CDH13: variants seen among roughly 807,000 people sequenced by gnomAD.
The protein encoded by CDH13 is cadherin-13.
CDH13 carries 24 observed loss-of-function variants against 63.8 expected under a neutral mutation model. The ratio of observed to expected loss-of-function variants is 0.38; its 90% CI spans 0.27 to 0.53. CDH13 has a LOEUF of 0.53. CDH13 is among the 20% of genes least tolerant of loss of function. The probability of loss-of-function intolerance (pLI) is 0.85; values close to 1 mark genes in which losing one functional copy is unlikely to be tolerated. For missense variants in CDH13, 1,049 were observed against 903.1 expected (o/e 1.16, Z -2.07); for synonymous variants, 503 against 355.3 (o/e 1.42, Z -4.67).
intron 7 of CDH13, among the ~76,000 whole-genome samples, chr16:83,527,963 G>A (rs188140542): frequency 7.9e-5 from 12 of 152,222 alleles, no homozygotes; most frequent in African/African-American, 2.9e-4. Context: ...GATCTTCCTC[G>A]AATGAGTTCG....
intron 1 of CDH13, among the ~76,000 whole-genome samples, chr16:82,746,841 A>T (rs17183029): frequency 6.6e-6 from 1 of 151,978 alleles, no homozygotes; most frequent in Admixed American, 6.6e-5. Context: ...TGTGATAGAG[A>T]TTTTTTGTAA....
At chr16:83,103,846 A>C (rs940956342) in intron 3 of CDH13, among the ~76,000 whole-genome samples, 7 of 152,214 alleles carry the variant, frequency 4.6e-5, no homozygotes, top group African/African-American at 1.4e-4. Flanking sequence ...TTTCTAGAAC[A>C]CATTGATGTT....
At chr16:82,911,111 A>C (rs961714127) in intron 2 of CDH13, among the ~76,000 whole-genome samples, 10 of 152,222 alleles carry the variant, frequency 6.6e-5, no homozygotes, top group African/African-American at 2.4e-4. Context: ...GATGGGAAGC[A>C]TAAGAAGGTC....
At chr16:83,553,743 G>A (rs1379682762) in intron 7 of CDH13, among the ~76,000 whole-genome samples, 3 of 152,200 alleles carry the variant, frequency 2.0e-5, no homozygotes, top group Non-Finnish European at 2.9e-5. Flanking sequence ...TTTTAGTAGA[G>A]ATGGGGTTTC....
intron 8 of CDH13, among the ~76,000 whole-genome samples, chr16:83,660,586 T>G (rs934767438): frequency 2.0e-5 from 3 of 152,220 alleles, no homozygotes; most frequent in Non-Finnish European, 4.4e-5. Context: ...TAGTGGTGGT[T>G]GGGAACCACT....
intron 3 of CDH13, among the ~76,000 whole-genome samples, chr16:83,088,677 G>A (rs1416003243): frequency 6.6e-6 from 1 of 152,098 alleles, no homozygotes; most frequent in Non-Finnish European, 1.5e-5. Context: ...CAAAAACATG[G>A]GATCTTTTAC....
intron 1 of CDH13, among the ~76,000 whole-genome samples, chr16:82,728,087 C>T (rs2033197924): frequency 6.6e-6 from 1 of 152,122 alleles, no homozygotes; most frequent in Non-Finnish European, 1.5e-5. Flanking sequence ...AATATGAATA[C>T]CTTATTTATA....
chr16:82,682,952 G>A (rs1914700960), intron 1 of CDH13, among the ~76,000 whole-genome samples: 1 of 152,130 alleles, frequency 6.6e-6, no homozygotes, highest in Non-Finnish European at 1.5e-5. Context: ...CTGGGCCCTA[G>A]GAACACACTA....
chr16:83,074,810 A>AT (rs1192022738), intron 3 of CDH13, among the ~76,000 whole-genome samples: 21 of 152,218 alleles, frequency 1.4e-4, no homozygotes, highest in Admixed American at 1.4e-3. Context: ...TTCCTGATAA[A>AT]TAGTCCATAT....
intron 7 of CDH13, among the ~76,000 whole-genome samples, chr16:83,539,128 C>A (rs574050896): frequency 6.6e-6 from 1 of 152,040 alleles, no homozygotes; most frequent in Admixed American, 6.5e-5. Context: ...AACAGTGGTC[C>A]CCAACCTTTC....
intron 9 of CDH13, among the ~76,000 whole-genome samples, chr16:83,677,553 C>G (rs1200030102): frequency 1.3e-5 from 2 of 152,138 alleles, no homozygotes; most frequent in Non-Finnish European, 2.9e-5. Context: ...GTGGCTCAGA[C>G]TTTCAAATCC....
intron 10 of CDH13, among the ~76,000 whole-genome samples, chr16:83,745,121 A>T (rs1912450964): frequency 6.6e-6 from 1 of 152,146 alleles, no homozygotes; most frequent in Non-Finnish European, 1.5e-5. Context: ...AAGCTCCTGG[A>T]GCGGTGTCCA....
At chr16:83,141,730 A>G (rs1428954457) in intron 4 of CDH13, among the ~76,000 whole-genome samples, 2 of 151,980 alleles carry the variant, frequency 1.3e-5, no homozygotes, top group Admixed American at 6.6e-5. Flanking sequence ...ATGTGTTCTC[A>G]TTGTTCAGCT....
At position 83,214,614 on chromosome 16, in the gene CDH13, C is replaced by G. The variant is rs1335795479; in HGVS notation, c.484-2731C>G. ...AAAAAAAAAAAAAAGAGGAAACCAC[C>G]TATTCCCTCAGAAAAGGATAGAGAT... On this transcript the variant is annotated intron_variant, in intron 4 of 13. Coordinates refer to ENST00000567109, the MANE Select transcript of CDH13 (RefSeq NM_001257.5). 5.6e-5 allele frequency among the ~76,000 whole-genome samples: 7 copies of G among 124,232 alleles called. No homozygotes were observed. The South Asian group carries it at 9.2e-4, about 16-fold the overall frequency. 81.5% of individuals were successfully genotyped at this position (124,232 alleles called of 152,430 possible).
At chr16:83,119,244 T>G (rs957698809) in intron 3 of CDH13, among the ~76,000 whole-genome samples, 1 of 152,226 alleles carries the variant, frequency 6.6e-6, no homozygotes, top group Non-Finnish European at 1.5e-5. Flanking sequence ...ACTCATCAGA[T>G]GGTTACGTTC....
At chr16:83,552,265 G>T (rs1326978392) in intron 7 of CDH13, among the ~76,000 whole-genome samples, 2 of 152,168 alleles carry the variant, frequency 1.3e-5, no homozygotes. Context: ...CCATGGAGAA[G>T]AGCATAGTTT....
chr16:82,945,686 T>C (rs550877251), intron 2 of CDH13, among the ~76,000 whole-genome samples: 26 of 152,140 alleles, frequency 1.7e-4, no homozygotes, highest in Non-Finnish European at 1.9e-4. Flanking sequence ...CTAAGTCCCA[T>C]CTGCAAGGAA....
chr16:83,027,828 A>C (rs543962976), intron 2 of CDH13, among the ~76,000 whole-genome samples: 2 of 152,260 alleles, frequency 1.3e-5, no homozygotes, highest in South Asian at 4.2e-4. Flanking sequence ...AGGACTTTGC[A>C]TATGTTATGG....
intron 5 of CDH13, among the ~76,000 whole-genome samples, chr16:83,290,587 T>G (rs887687474): frequency 1.3e-5 from 2 of 152,210 alleles, no homozygotes; most frequent in African/African-American, 4.8e-5. Flanking sequence ...TTTTTCTTTA[T>G]AAATTATGCA....
Sources: gnomAD v4.1 joint callset for allele counts (sites outside exome capture counted in the v4.1 genomes callset) on GRCh38, gnomAD v4.1.1 for gene constraint, MANE v1.5 for transcripts, NCBI Gene and HGNC (gene_info 2026-07-23, HGNC 2026-07-21) for gene names.